The following UNC5D variants were observed in gnomAD, a reference collection of about 807,000 sequenced individuals.
UNC5D encodes the protein unc-5 netrin receptor D.
In UNC5D, 39 loss-of-function variants were observed where a neutral mutation model predicts 105.4. The observed-to-expected ratio is 0.37, with a 90% CI of 0.29 to 0.48. The LOEUF (loss-of-function observed/expected upper bound fraction) is 0.48. UNC5D is among the 20% of genes least tolerant of loss of function. The probability of loss-of-function intolerance (pLI) is 0.98; values close to 1 mark genes in which losing one functional copy is unlikely to be tolerated. For synonymous variants in UNC5D, 452 were observed against 450.4 expected, an observed-to-expected ratio of 1.00 and a Z score of -0.04; for missense variants, 991 against 1,202.4, an observed-to-expected ratio of 0.82 and a Z score of 2.60.
chr8:35,286,525 A>G (rs1806609588), intron 1 of UNC5D, among the ~76,000 whole-genome samples: 1 of 152,166 alleles, frequency 6.6e-6, no homozygotes, highest in Non-Finnish European at 1.5e-5. Context: ...TGGCGCTCAC[A>G]TGAAATCTTC....
chr8:35,413,994 G>T (rs776650609), intron 1 of UNC5D, among the ~76,000 whole-genome samples: 7 of 152,112 alleles, frequency 4.6e-5, no homozygotes, highest in Non-Finnish European at 7.4e-5. Context: ...GCTGACCTCA[G>T]ATTCTTGACT....
chr8:35,669,615 A>G (rs934599806), intron 4 of UNC5D, among the ~76,000 whole-genome samples: 3 of 152,048 alleles, frequency 2.0e-5, no homozygotes, highest in African/African-American at 4.8e-5. Flanking sequence ...CAGTGTCCCA[A>G]TGACCTCTCT....
At chr8:35,515,491 C>T (rs1432778272) in intron 1 of UNC5D, among the ~76,000 whole-genome samples, 1 of 152,136 alleles carries the variant, frequency 6.6e-6, no homozygotes, top group African/African-American at 2.4e-5. Context: ...TCGAGACCAG[C>T]CTGGCCAACA....
chr8:35,439,138 G>T (rs1807229859), intron 1 of UNC5D, among the ~76,000 whole-genome samples: 1 of 151,730 alleles, frequency 6.6e-6, no homozygotes, highest in Non-Finnish European at 1.5e-5. Flanking sequence ...GCCACAGATT[G>T]CCTTACAGAC....
At chr8:35,477,014 G>A (rs1379970400) in intron 1 of UNC5D, among the ~76,000 whole-genome samples, 1 of 152,132 alleles carries the variant, frequency 6.6e-6, no homozygotes, top group African/African-American at 2.4e-5. Context: ...TCATTTGAAT[G>A]TTTAGCATCA....
chr8:35,395,297 G>A (rs1471502994), intron 1 of UNC5D, among the ~76,000 whole-genome samples: 3 of 152,180 alleles, frequency 2.0e-5, no homozygotes, highest in Non-Finnish European at 2.9e-5. Context: ...TATAACGCTA[G>A]TTGATCATCA....
In UNC5D at chr8:35,794,491, G is replaced by A. The variant is rs113298073; in HGVS notation, c.*3928G>A. The A allele has an allele frequency of 2.0e-5, 3 of 152,670 alleles. No individual in the cohort carries two copies. Among genetic ancestry groups the A allele is most frequent in the South Asian group, 2.1e-4 (1 of 4,826 alleles). 9.5% of individuals were successfully genotyped at this position (152,670 alleles called of 1,614,324 possible). The stretch of plus-strand genomic sequence containing the variant: ...TACAGAGAATGACACAATTTTATTC[G>A]CCTTTGGTGTTAGTTGCCATAGTGC... On this transcript the variant is annotated 3_prime_UTR_variant, in exon 17 of 17. Coordinates refer to ENST00000404895, the MANE Select transcript of UNC5D (RefSeq NM_080872.4).
intron 2 of UNC5D, among the ~76,000 whole-genome samples, chr8:35,567,201 G>A (rs1260182277): frequency 6.6e-6 from 1 of 152,062 alleles, no homozygotes; most frequent in Non-Finnish European, 1.5e-5. Flanking sequence ...TTGCTATGGG[G>A]GCCTCCCTGG....
At chr8:35,631,029 T>C (rs1232245172) in intron 4 of UNC5D, among the ~76,000 whole-genome samples, 1 of 152,210 alleles carries the variant, frequency 6.6e-6, no homozygotes, top group Non-Finnish European at 1.5e-5. Flanking sequence ...TCATTTGGCC[T>C]GGGCCGGGCA....
intron 2 of UNC5D, among the ~76,000 whole-genome samples, chr8:35,567,057 A>G (rs1490897203): frequency 1.3e-5 from 2 of 151,890 alleles, no homozygotes; most frequent in Non-Finnish European, 1.5e-5. Context: ...TTAATTTTAG[A>G]AGGAGGATGT....
chr8:35,374,971 T>A (rs1202260893), intron 1 of UNC5D, among the ~76,000 whole-genome samples: 1 of 152,178 alleles, frequency 6.6e-6, no homozygotes, highest in Non-Finnish European at 1.5e-5. Context: ...CTAAATGTTC[T>A]TTTTACAACA....
chr8:35,583,201 A>G (rs1818565445), intron 3 of UNC5D, among the ~76,000 whole-genome samples: 1 of 152,140 alleles, frequency 6.6e-6, no homozygotes, highest in Non-Finnish European at 1.5e-5. Flanking sequence ...AAACATTTAA[A>G]AATTAGCCAG....
At chr8:35,402,839 A>T (rs1174920731) in intron 1 of UNC5D, among the ~76,000 whole-genome samples, 1 of 152,150 alleles carries the variant, frequency 6.6e-6, no homozygotes, top group Non-Finnish European at 1.5e-5. Context: ...GATTGGGGAC[A>T]GTTTGATGTA....
intron 1 of UNC5D, among the ~76,000 whole-genome samples, chr8:35,364,123 G>A (rs929878433): frequency 1.3e-5 from 2 of 152,128 alleles, no homozygotes; most frequent in Non-Finnish European, 2.9e-5. Flanking sequence ...CTGAGGTCAT[G>A]CCACTGCACT....
At chr8:35,496,954 C>G (rs1279457808) in intron 1 of UNC5D, among the ~76,000 whole-genome samples, 1 of 151,850 alleles carries the variant, frequency 6.6e-6, no homozygotes, top group African/African-American at 2.4e-5. Flanking sequence ...TTTTCCTCAC[C>G]CATCCTACAT....
chr8:35,641,366 C>CAAAAAAAAAAAAAAAAAAGAA (rs1822707866), intron 4 of UNC5D, among the ~76,000 whole-genome samples: 7 of 44,290 alleles, frequency 1.6e-4, no homozygotes, highest in South Asian at 9.7e-4. Flanking sequence ...AAAAATAAAG[C>CAAAAAAAAAAAAAAAAAAGAA]AAAAAAAAAA....
At chr8:35,561,159 A>G (rs762554687) in intron 2 of UNC5D, among the ~76,000 whole-genome samples, 1 of 152,186 alleles carries the variant, frequency 6.6e-6, no homozygotes, top group Admixed American at 6.5e-5. Context: ...CAAACCAAGC[A>G]ATCCAGAGGC....
At chr8:35,345,512 A>T (rs1320129813) in intron 1 of UNC5D, among the ~76,000 whole-genome samples, 3 of 151,978 alleles carry the variant, frequency 2.0e-5, no homozygotes, top group Non-Finnish European at 4.4e-5. Context: ...AAATTTTCTG[A>T]TCTAATTTTC....
intron 1 of UNC5D, among the ~76,000 whole-genome samples, chr8:35,407,025 A>G (rs1804850189): frequency 6.6e-6 from 1 of 152,178 alleles, no homozygotes; most frequent in Non-Finnish European, 1.5e-5. Context: ...TGGACTGCAT[A>G]TATGACCATG....
Sources: gnomAD v4.1 joint callset for allele counts (sites outside exome capture counted in the v4.1 genomes callset) on GRCh38, gnomAD v4.1.1 for gene constraint, MANE v1.5 for transcripts, NCBI Gene and HGNC (gene_info 2026-07-23, HGNC 2026-07-21) for gene names.